Variants in SKP2 observed in about 807,000 individuals in gnomAD.
The protein encoded by SKP2 is S-phase kinase-associated protein 2.
A neutral mutation model predicts 51.8 loss-of-function variants in SKP2; 16 were observed. The observed-to-expected ratio is 0.31, with a 90% CI of 0.21 to 0.47. The LOEUF is 0.47. Among genes scored for constraint, SKP2 ranks in the 20% least tolerant of loss-of-function variants. The pLI is 1.00. For synonymous variants in SKP2, 176 were observed against 198.6 expected, an observed-to-expected ratio of 0.89 and a Z score of 0.96; for missense variants, 377 against 505.3, an observed-to-expected ratio of 0.75 and a Z score of 2.43.
downstream of SKP2, among the ~76,000 whole-genome samples, chr5:36,186,211 G>A (rs1745954355): frequency 6.6e-6 from 1 of 152,340 alleles, no homozygotes; most frequent in African/African-American, 2.4e-5. Flanking sequence ...GGGACAATTT[G>A]ACTTCCTCTT....
downstream of SKP2, among the ~76,000 whole-genome samples, chr5:36,184,748 C>T (rs1376605488): frequency 1.3e-5 from 2 of 152,150 alleles, no homozygotes; most frequent in South Asian, 2.1e-4. Flanking sequence ...TTTATAGCAA[C>T]ATGATTTATA....
In SKP2 at chr5:36,178,783, TCTC is replaced by T. The variant is rs1745713350; in HGVS notation, c.1061+1492_1061+1494del. ...ATCCATGTGTCTTGCTTTTGTTCCTTCTCTGCAGAAAGAAAGAAGCTAAGCAGG... is the reference window on the plus strand; with the variant it reads ...ATCCATGTGTCTTGCTTTTGTTCCTTTGCAGAAAGAAAGAAGCTAAGCAGG... On this transcript the variant is annotated intron_variant, in intron 9 of 9. Coordinates refer to ENST00000274255, the MANE Select transcript of SKP2 (RefSeq NM_005983.4). Among the ~76,000 whole-genome samples the T allele has an allele frequency of 3.9e-5, 6 of 152,170 alleles. 1 individual carries two copies. In the South Asian group the frequency reaches 1.2e-3, roughly 32 times the overall value.
At chr5:36,163,567 T>C (rs1745192230) in intron 2 of SKP2, 78 bp from the exon 3 acceptor site, 1 of 834,178 alleles carries the variant, frequency 1.2e-6, no homozygotes, top group Non-Finnish European at 2.1e-6. Context: ...TTGTATATTC[T>C]TTATGTGTTT....
chr5:36,181,110 AT>A (rs1745795417), intron 9 of SKP2, among the ~76,000 whole-genome samples: 1 of 152,190 alleles, frequency 6.6e-6, no homozygotes, highest in African/African-American at 2.4e-5. Context: ...ATTTCATCTA[AT>A]GTGAAATACC....
chr5:36,163,250 AT>A (rs749283016), intron 2 of SKP2, among the ~76,000 whole-genome samples: 1 of 152,178 alleles, frequency 6.6e-6, no homozygotes, highest in Non-Finnish European at 1.5e-5. Flanking sequence ...TGAATTGACA[AT>A]GTCATTGAAT....
chr5:36,157,673 C>T (rs926392943), intron 2 of SKP2, among the ~76,000 whole-genome samples: 1 of 152,120 alleles, frequency 6.6e-6, no homozygotes, highest in South Asian at 2.1e-4. Flanking sequence ...AAGAAATGCA[C>T]ACACACACAA....
chr5:36,181,678 T>G (rs955983236), intron 9 of SKP2, 140 bp from the exon 10 acceptor site: 1 of 834,618 alleles, frequency 1.2e-6, no homozygotes, highest in Non-Finnish European at 1.9e-6. Flanking sequence ...ATTTGCTATT[T>G]TCTCAAATCA....
intron 6 of SKP2, among the ~76,000 whole-genome samples, chr5:36,191,016 A>C (rs1746012152): frequency 6.6e-6 from 1 of 152,314 alleles, no homozygotes; most frequent in African/African-American, 2.4e-5. Context: ...TCTAAATCTT[A>C]AATTTAGGGT....
At chr5:36,178,538 G>A (rs1745704249) in intron 9 of SKP2, among the ~76,000 whole-genome samples, 1 of 152,034 alleles carries the variant, frequency 6.6e-6, no homozygotes, top group East Asian at 1.9e-4. Flanking sequence ...CTCAAATGTT[G>A]GGGTTTAAAT....
At chr5:36,152,689 A>G (rs1174070800) in intron 1 of SKP2, 82 bp from the exon 2 acceptor site, 11 of 1,451,758 alleles carry the variant, frequency 7.6e-6, no homozygotes, top group African/African-American at 1.4e-5. Context: ...TACAATGCAT[A>G]AACTGCAGCT....
chr5:36,177,666 G>A (rs1026445931), intron 9 of SKP2, among the ~76,000 whole-genome samples: 4 of 151,460 alleles, frequency 2.6e-5, no homozygotes, highest in Admixed American at 6.6e-5. Context: ...AAATTTTTCG[G>A]ATTAACTCCA....
chr5:36,175,500 C>G (rs1392843240), intron 7 of SKP2, among the ~76,000 whole-genome samples: 2 of 152,076 alleles, frequency 1.3e-5, no homozygotes, highest in Non-Finnish European at 2.9e-5. Flanking sequence ...TTTATTGATT[C>G]ATTTTCTGAT....
At chr5:36,165,268 T>C (rs1318657895) in intron 3 of SKP2, among the ~76,000 whole-genome samples, 2 of 152,136 alleles carry the variant, frequency 1.3e-5, no homozygotes, top group East Asian at 1.9e-4. Flanking sequence ...AATCTAAAGT[T>C]TGGCTAACTC....
chr5:36,152,421 ATGCCTTAG>A, intron 1 of SKP2, 151 bp downstream of exon 1: 1 of 812,048 alleles, frequency 1.2e-6, no homozygotes, highest in South Asian at 1.5e-5. Context: ...GAATGGATGG[ATGCCTTAG>A]TGCGGGGATC....
intron 2 of SKP2, among the ~76,000 whole-genome samples, chr5:36,155,658 CTCT>C (rs1383923365): frequency 7.2e-5 from 11 of 152,112 alleles, no homozygotes; most frequent in South Asian, 4.1e-4. Flanking sequence ...ATGTTCACCG[CTCT>C]TCTTTGTGTC....
chr5:36,155,663 CTTT>C (rs1744923509), intron 2 of SKP2, among the ~76,000 whole-genome samples: 1 of 152,124 alleles, frequency 6.6e-6, no homozygotes, highest in East Asian at 1.9e-4. Context: ...CACCGCTCTT[CTTT>C]GTGTCTGGAA....
chr5:36,166,700 A>G, intron 4 of SKP2, 38 bp downstream of exon 4: 7 of 1,501,730 alleles, frequency 4.7e-6, no homozygotes, highest in Non-Finnish European at 6.5e-6. Context: ...CTATTTCTAA[A>G]TTTCGAGGTA....
rs531179148 is a variant in SKP2, at chr5:36,170,111, A to G, written c.672-233A>G. On this transcript the variant is annotated intron_variant, in intron 5 of 9. Coordinates refer to ENST00000274255, the MANE Select transcript of SKP2 (RefSeq NM_005983.4). ...TTCATAGTAAGTCTTTTATTACATT[A>G]TATCATTTAATCTTCTTAATAACTC... is the stretch of plus-strand genomic sequence containing the variant. 1.2e-4 allele frequency among the ~76,000 whole-genome samples: 19 copies of G among 152,346 alleles called. No homozygotes were observed. The South Asian group carries it at 3.3e-3, about 27-fold the overall frequency.
chr5:36,187,202 A>AT (rs1307167196), downstream of SKP2, among the ~76,000 whole-genome samples: 4 of 151,982 alleles, frequency 2.6e-5, no homozygotes, highest in Non-Finnish European at 2.9e-5. Context: ...GGATTCATTG[A>AT]TTTTTTGAAG....
Sources: allele counts gnomAD v4.1 joint callset (sites outside exome capture counted in the v4.1 genomes callset), GRCh38; gene constraint gnomAD v4.1.1; transcripts MANE v1.5; gene names NCBI Gene and HGNC (gene_info 2026-07-23, HGNC 2026-07-21).